Variants in KIF13B observed in about 807,000 individuals in gnomAD.
KIF13B encodes kinesin-like protein KIF13B.
A neutral mutation model predicts 222.0 loss-of-function variants in KIF13B; 127 were observed. The ratio of observed to expected loss-of-function variants is 0.57; its 90% confidence interval spans 0.50 to 0.66. The LOEUF is 0.66. Among genes scored for constraint, KIF13B ranks in the 30% least tolerant of loss-of-function variants. The probability of loss-of-function intolerance (pLI) is 0.00; values close to 1 mark genes in which losing one functional copy is unlikely to be tolerated. For synonymous variants in KIF13B, 976 were observed against 919.0 expected (o/e 1.06, Z -1.12); for missense variants, 2,173 against 2,379.0 (o/e 0.91, Z 1.80).
intron 6 of KIF13B, among the ~76,000 whole-genome samples, chr8:29,184,474 C>T (rs1304051005): frequency 6.6e-6 from 1 of 152,182 alleles, no homozygotes; most frequent in East Asian, 1.9e-4. Flanking sequence ...TGTATCCTAT[C>T]ATTTCCCTCT....
rs150294975 is a variant in KIF13B at position 29,178,307 on chromosome 8, C to G, written c.721-729G>C. 5.7e-3 allele frequency among the ~76,000 whole-genome samples: 863 copies of G among 152,160 alleles called. 3 individuals carry two copies. The highest frequency in any genetic ancestry group is 9.3e-3 in the Non-Finnish European group (632 of 67,986). ...AAAAAAAAATCTGACCTTTATACAA[C>G]AGAAGAACCCCTCAAAATCTCAAAA... is the stretch of plus-strand genomic sequence containing the variant. On this transcript the variant is annotated intron_variant, in intron 8 of 39. Transcript: ENST00000524189.
At chr8:29,096,302 T>C (rs1322423910) in intron 36 of KIF13B, among the ~76,000 whole-genome samples, 16 of 146,986 alleles carry the variant, frequency 1.1e-4, no homozygotes, top group South Asian at 2.2e-4. Context: ...TCTTTTTTTT[T>C]TTTTTTTTTT....
intron 11 of KIF13B, among the ~76,000 whole-genome samples, chr8:29,166,681 G>T (rs1295077565): frequency 1.5e-5 from 2 of 130,114 alleles, no homozygotes; most frequent in Non-Finnish European, 3.2e-5. Flanking sequence ...TCCAGCGTGG[G>T]CAACAAGAGT....
chr8:29,244,839 C>T (rs1416425104), intron 2 of KIF13B, among the ~76,000 whole-genome samples: 1 of 152,150 alleles, frequency 6.6e-6, no homozygotes, highest in Admixed American at 6.5e-5. Flanking sequence ...CATTAAAATC[C>T]ACTGTACAGC....
chr8:29,099,069 AT>A, intron 36 of KIF13B, 63 bp downstream of exon 36: 1 of 1,308,532 alleles, frequency 7.6e-7, no homozygotes, highest in Non-Finnish European at 1.1e-6. Context: ...GGAAATTCTA[AT>A]TTAAACTTTC....
intron 14 of KIF13B, among the ~76,000 whole-genome samples, chr8:29,151,845 A>AGCCGAGATTGCGCCACTGC (rs1198575161): frequency 7.5e-4 from 114 of 151,876 alleles, no homozygotes; most frequent in Middle Eastern, 3.4e-3. Flanking sequence ...TTTCACTTTC[A>AGCCGAGATTGCGCCACTGC]AGTCTTATCA....
At chr8:29,151,304 G>A (rs917599751) in intron 14 of KIF13B, among the ~76,000 whole-genome samples, 15 of 152,236 alleles carry the variant, frequency 9.9e-5, no homozygotes, top group Non-Finnish European at 1.8e-4. Context: ...AAGGAAAGAA[G>A]CCACCTCTGT....
At chr8:29,075,420 G>A (rs1271694496) in intron 37 of KIF13B, 77 bp from the exon 38 acceptor site, 33 of 1,337,544 alleles carry the variant, frequency 2.5e-5, no homozygotes, top group African/African-American at 2.9e-5. Context: ...TGCACAGGCT[G>A]GAGGGCCAGG....
rs1185646898 is a variant in KIF13B at position 29,123,349 on chromosome 8, C to T, written c.3479+17G>A. On this transcript the variant is annotated intron_variant, in intron 28 of 39. Coordinates refer to ENST00000524189, the MANE Select transcript of KIF13B (RefSeq NM_015254.4). ...GTGAGCGTTCAGACCTCACAAGACGCACCACAGGGTTCATACCATTCTGCT... is the reference window on the plus strand; with the variant it reads ...GTGAGCGTTCAGACCTCACAAGACGTACCACAGGGTTCATACCATTCTGCT... 4 of 1,613,010 alleles carry T rather than the reference C, an allele frequency of 2.5e-6. No individual in the cohort carries two copies. Among genetic ancestry groups the T allele is most frequent in the Admixed American group, 3.3e-5 (2 of 59,982 alleles).
chr8:29,232,002 T>C (rs1815306208), intron 2 of KIF13B, among the ~76,000 whole-genome samples: 1 of 152,116 alleles, frequency 6.6e-6, no homozygotes, highest in African/African-American at 2.4e-5. Flanking sequence ...ATGCCTACAA[T>C]CTCAACACTT....
chr8:29,176,324 C>T (rs2130244510), intron 9 of KIF13B, 145 bp from the exon 10 acceptor site: 4 of 602,758 alleles, frequency 6.6e-6, no homozygotes, highest in South Asian at 4.2e-5. Context: ...TTCAAAAGCA[C>T]ACAACTCAAA....
rs1360895691 is a variant in KIF13B, at chr8:29,115,177, T to C, written c.3838-1622A>G. On this transcript the variant is annotated intron_variant, in intron 31 of 39. Transcript: ENST00000524189. ...CATCTAGGAGTCTGTCAACCATGAC[T>C]GTGCTCTTTTAAATGAAAAGATTTT... Among the ~76,000 whole-genome samples the C allele has an allele frequency of 2.0e-5, 3 of 152,280 alleles. No homozygotes were observed. In the East Asian group the frequency reaches 5.8e-4, roughly 29 times the overall value.
In KIF13B at chr8:29,184,626, C is replaced by T. The variant is rs1336312715; in HGVS notation, c.497+1666G>A. On this transcript the variant is annotated intron_variant, in intron 6 of 39. Transcript: ENST00000524189. ...ACTGTTAATTACTGTAAGTAATTAC[C>T]GTAAGTAAGCTGTTAATTACTAACC... 9.2e-5 allele frequency among the ~76,000 whole-genome samples: 14 copies of T among 152,038 alleles called. 1 individual carries two copies. The highest frequency in any genetic ancestry group is 7.9e-4 in the Admixed American group (12 of 15,272).
At chr8:29,212,492 T>C (rs1055114364) in intron 2 of KIF13B, among the ~76,000 whole-genome samples, 2 of 152,152 alleles carry the variant, frequency 1.3e-5, no homozygotes, top group African/African-American at 4.8e-5. Flanking sequence ...GTTTAGACTT[T>C]AAAGAAGAGA....
chr8:29,092,706 T>A (rs139519716), intron 37 of KIF13B, 39 bp downstream of exon 37: 4 of 1,581,660 alleles, frequency 2.5e-6, no homozygotes, highest in Non-Finnish European at 8.6e-7. Context: ...ACCGCTTTAT[T>A]AGAAAAACGT....
chr8:29,107,811 T>C (rs575642879), intron 35 of KIF13B, among the ~76,000 whole-genome samples: 16 of 152,166 alleles, frequency 1.1e-4, no homozygotes, highest in South Asian at 2.1e-4. Flanking sequence ...CCGCCCTCCT[T>C]GGCCTCCCAA....
Position 29,087,858 on chromosome 8 carries a change from C to T in KIF13B, c.4458+4887G>A, listed in dbSNP as rs1230751612. ...AAAAATTCTAAGAGAGCTATCATCA[C>T]GCCACTGCACTCCAGCCTGGGCAAC... On this transcript the variant is annotated intron_variant, in intron 37 of 39. Transcript: ENST00000524189. Among the ~76,000 whole-genome samples, 6 of 152,050 alleles carry T rather than the reference C, an allele frequency of 3.9e-5. 1 individual carries two copies. The highest frequency in any genetic ancestry group is 4.2e-4 in the South Asian group (2 of 4,814).
chr8:29,164,346 A>G (rs1271453116), intron 12 of KIF13B, among the ~76,000 whole-genome samples: 3 of 152,242 alleles, frequency 2.0e-5, no homozygotes, highest in African/African-American at 7.2e-5. Context: ...AACAGTTAAA[A>G]ACAACAGGGA....
chr8:29,228,472 A>AAAAAAAAAAAAATATAT lies in KIF13B; in HGVS notation c.149+16873_149+16874insATATATTTTTTTTTTTT. Among the ~76,000 whole-genome samples, 39 of 117,074 alleles carry AAAAAAAAAAAAATATAT rather than the reference A, an allele frequency of 3.3e-4. 2 individuals are homozygous for AAAAAAAAAAAAATATAT. Among genetic ancestry groups the AAAAAAAAAAAAATATAT allele is most frequent in the Admixed American group, 5.4e-4 (6 of 11,192 alleles). 76.8% of individuals were successfully genotyped at this position (117,074 alleles called of 152,430 possible). A position where few individuals can be genotyped will look rare whatever the true frequency, so the allele number is the denominator to read the frequency against. ...ACAGAGCCAGACTCCATCTTAAAAA[A>AAAAAAAAAAAAATATAT]ATATATATATATATATATGAGATAC... is the stretch of plus-strand genomic sequence containing the variant. On this transcript the variant is annotated intron_variant, in intron 2 of 39. Transcript: ENST00000524189.
Sources: allele counts gnomAD v4.1 joint callset (sites outside exome capture counted in the v4.1 genomes callset), GRCh38; gene constraint gnomAD v4.1.1; transcripts MANE v1.5; gene names NCBI Gene and HGNC (gene_info 2026-07-23, HGNC 2026-07-21).